Variants in TMEM181 observed in about 807,000 individuals in gnomAD.
The protein encoded by TMEM181 is transmembrane protein 181.
TMEM181 carries 39 observed loss-of-function variants against 71.9 expected under a neutral mutation model. The ratio of observed to expected loss-of-function variants is 0.54; its 90% CI spans 0.42 to 0.71. The LOEUF (loss-of-function observed/expected upper bound fraction) is 0.71. Ranked by LOEUF, TMEM181 falls within the 30% of genes least tolerant of loss-of-function variation. The pLI is 0.00. For synonymous variants in TMEM181, 245 were observed against 228.8 expected (o/e 1.07, Z -0.64); for missense variants, 595 against 583.0 (o/e 1.02, Z -0.21).
In TMEM181 at chr6:158,589,673, A is replaced by C. The variant is rs370699533; in HGVS notation, c.383A>C (p.Lys128Thr). The stretch of plus-strand genomic sequence containing the variant: ...GCAAATCTTTCTGTGTATTTGCAGA[A>C]ATGTGCGGAGATTATTGTGGCTCAC... ...NRTRTLTCAG[K>T]CAEIIVAHLG... Residue 128 changes from lysine (K) to threonine (T), a missense_variant and splice_region_variant, in exon 6 of 17, where the codon AAA (lysine) becomes ACA (threonine). Coordinates refer to ENST00000684151, the MANE Select transcript of TMEM181 (RefSeq NM_001376852.1). 47 of 1,613,478 alleles carry C rather than the reference A, an allele frequency of 2.9e-5. No homozygotes were observed. The African/African-American group carries it at 3.7e-4, about 13-fold the overall frequency.
chr6:158,559,952 G>A (rs1028352204), upstream of TMEM181: 1 of 661,692 alleles, frequency 1.5e-6, no homozygotes, highest in Non-Finnish European at 1.9e-6. Context: ...TCCCGGCCGT[G>A]GGGCTCCGCC....
intron 2 of TMEM181, among the ~76,000 whole-genome samples, chr6:158,576,882 G>A (rs998482514): frequency 6.6e-6 from 1 of 151,968 alleles, no homozygotes; most frequent in African/African-American, 2.4e-5. Context: ...CTAACATGGT[G>A]AAACCCCATC....
chr6:158,565,036 T>C (rs770099307), intron 1 of TMEM181, among the ~76,000 whole-genome samples: 1 of 152,240 alleles, frequency 6.6e-6, no homozygotes, highest in Non-Finnish European at 1.5e-5. Context: ...AAGGTGTCTC[T>C]CACACCCCTT....
At chr6:158,547,824 T>G (rs1230602185) in intron 1 of TMEM181, among the ~76,000 whole-genome samples, 1 of 144,066 alleles carries the variant, frequency 6.9e-6, no homozygotes, top group Non-Finnish European at 1.5e-5. Flanking sequence ...GCCCCAGAAG[T>G]TGCGGTGAGT....
chr6:158,574,418 C>T (rs1395867792), intron 2 of TMEM181, among the ~76,000 whole-genome samples: 1 of 152,106 alleles, frequency 6.6e-6, no homozygotes, highest in Non-Finnish European at 1.5e-5. Context: ...TTAATTACAG[C>T]ACAAGATATA....
At chr6:158,626,318 G>C (rs1214601676) in intron 13 of TMEM181, 2 of 451,194 alleles carry the variant, frequency 4.4e-6, no homozygotes, top group African/African-American at 4.0e-5. Context: ...GGTCTGGGAA[G>C]TTGTTTATTT....
chr6:158,616,585 A>G (rs1785626290), intron 10 of TMEM181, among the ~76,000 whole-genome samples: 1 of 152,140 alleles, frequency 6.6e-6, no homozygotes. Flanking sequence ...GAATGCTTCC[A>G]GTTTTTGCCC....
At chr6:158,598,289 T>C (rs895536536) in intron 6 of TMEM181, among the ~76,000 whole-genome samples, 3 of 152,188 alleles carry the variant, frequency 2.0e-5, no homozygotes, top group Non-Finnish European at 2.9e-5. Flanking sequence ...TTTCCTCTGA[T>C]TAAGTGTTTT....
intron 1 of TMEM181, among the ~76,000 whole-genome samples, chr6:158,565,686 A>G (rs1034552444): frequency 6.6e-6 from 1 of 152,232 alleles, no homozygotes; most frequent in Admixed American, 6.5e-5. Context: ...GACCTGCACC[A>G]TTCCTGAGGC....
At chr6:158,619,833 C>T (rs149114036) in intron 10 of TMEM181, among the ~76,000 whole-genome samples, 6,033 of 144,186 alleles carry the variant, frequency 0.042, 187 homozygotes, top group Middle Eastern at 0.062. Flanking sequence ...TGCGCCACTG[C>T]ACTCCAGCCT....
chr6:158,599,545 G>A (rs932675684), intron 6 of TMEM181, among the ~76,000 whole-genome samples: 2 of 152,210 alleles, frequency 1.3e-5, no homozygotes, highest in African/African-American at 4.8e-5. Flanking sequence ...TTTCAAAAAT[G>A]TATTTTGGGG....
chr6:158,616,913 C>T (rs905513660), intron 10 of TMEM181, among the ~76,000 whole-genome samples: 11 of 152,130 alleles, frequency 7.2e-5, no homozygotes, highest in Non-Finnish European at 1.5e-4. Flanking sequence ...ATTTTCACAT[C>T]AATGTTCATC....
intron 7 of TMEM181, among the ~76,000 whole-genome samples, 175 bp downstream of exon 7, chr6:158,605,522 G>A (rs1422201492): frequency 6.6e-6 from 1 of 152,094 alleles, no homozygotes; most frequent in Non-Finnish European, 1.5e-5. Flanking sequence ...TGCCGTGCAA[G>A]AAAAAATGAT....
intron 1 of TMEM181, among the ~76,000 whole-genome samples, chr6:158,568,014 C>T (rs550574419): frequency 2.0e-5 from 3 of 151,964 alleles, no homozygotes; most frequent in South Asian, 2.1e-4. Context: ...AAGGAAGGTG[C>T]GTTTGGAGGT....
chr6:158,611,576 A>T, intron 10 of TMEM181: 1 of 389,878 alleles, frequency 2.6e-6, no homozygotes, highest in South Asian at 2.1e-5. Flanking sequence ...CCTTTTCTAG[A>T]GAAGCTATTT....
At chr6:158,596,597 G>C (rs574526271) in intron 6 of TMEM181, among the ~76,000 whole-genome samples, 2 of 152,092 alleles carry the variant, frequency 1.3e-5, no homozygotes, top group African/African-American at 4.8e-5. Flanking sequence ...TCAAATTCAG[G>C]GTAAAAATGA....
intron 14 of TMEM181, among the ~76,000 whole-genome samples, chr6:158,629,053 G>T (rs1215444978): frequency 6.6e-6 from 1 of 152,214 alleles, no homozygotes; most frequent in African/African-American, 2.4e-5. Flanking sequence ...GATTCCCGCT[G>T]TGCCTGAGGC....
intron 1 of TMEM181, among the ~76,000 whole-genome samples, chr6:158,566,843 A>G (rs150639297): frequency 3.1e-4 from 47 of 152,294 alleles, no homozygotes; most frequent in African/African-American, 1.1e-3. Flanking sequence ...CACAAACCTC[A>G]CCTTGCTTGG....
intron 13 of TMEM181, chr6:158,628,139 TG>T: frequency 1.6e-6 from 1 of 623,608 alleles, no homozygotes; most frequent in Non-Finnish European, 3.0e-6. Context: ...GAGAGTGTGA[TG>T]GGGCCTGCAG....
Sources: allele counts gnomAD v4.1 joint callset (sites outside exome capture counted in the v4.1 genomes callset), GRCh38; gene constraint gnomAD v4.1.1; transcripts MANE v1.5; gene names NCBI Gene and HGNC (gene_info 2026-07-23, HGNC 2026-07-21).